The following GLI3 variants were observed in gnomAD, a reference collection of about 807,000 sequenced individuals.
GLI3 encodes the protein GLI family zinc finger 3.
In GLI3, 20 loss-of-function variants were observed where a neutral mutation model predicts 100.8. The ratio of observed to expected loss-of-function variants is 0.20; its 90% CI spans 0.14 to 0.29. GLI3 has a LOEUF of 0.29. Among genes scored for constraint, GLI3 ranks in the 10% least tolerant of loss-of-function variants. The pLI, the probability that GLI3 is intolerant of heterozygous loss-of-function variation, is 1.00. For missense variants in GLI3, 2,040 were observed against 2,128.5 expected, an observed-to-expected ratio of 0.96 and a Z score of 0.82; for synonymous variants, 938 against 860.5, an observed-to-expected ratio of 1.09 and a Z score of -1.58.
intron 10 of GLI3, among the ~76,000 whole-genome samples, chr7:41,983,662 G>A (rs1444126557): frequency 6.6e-6 from 1 of 152,170 alleles, no homozygotes; most frequent in Non-Finnish European, 1.5e-5. Flanking sequence ...AGAGGCCCGA[G>A]AGTCAGAAAG....
At chr7:42,156,296 T>C (rs1787001663) in intron 2 of GLI3, among the ~76,000 whole-genome samples, 1 of 152,226 alleles carries the variant, frequency 6.6e-6, no homozygotes, top group African/African-American at 2.4e-5. Flanking sequence ...CTTCTTCTAT[T>C]AGTCTGCTAT....
At chr7:42,099,434 G>A (rs1022790859) in intron 3 of GLI3, among the ~76,000 whole-genome samples, 8 of 151,926 alleles carry the variant, frequency 5.3e-5, no homozygotes, top group Non-Finnish European at 7.4e-5. Context: ...GGCTTTTTTC[G>A]TTAACAGTAA....
upstream of GLI3, among the ~76,000 whole-genome samples, chr7:42,242,541 G>A (rs1316608034): frequency 6.6e-6 from 1 of 152,166 alleles, no homozygotes; most frequent in Non-Finnish European, 1.5e-5. Context: ...CCCCCGTAGG[G>A]ATATTTTTAT....
At chr7:42,132,013 T>C (rs192276885) in intron 3 of GLI3, among the ~76,000 whole-genome samples, 61 of 152,262 alleles carry the variant, frequency 4.0e-4, no homozygotes, top group African/African-American at 1.4e-3. Context: ...CCCCTGGGAC[T>C]AGGGTTGGAG....
chr7:42,150,928 G>A (rs1786844276), intron 2 of GLI3, among the ~76,000 whole-genome samples: 1 of 152,060 alleles, frequency 6.6e-6, no homozygotes, highest in Non-Finnish European at 1.5e-5. Context: ...CGGCGGAGTG[G>A]GGAGGGTGAG....
Position 41,965,174 on chromosome 7 carries a change from G to T in GLI3, c.3899C>A (p.Ala1300Glu). 6.2e-7 allele frequency: 1 copy of T among 1,613,932 alleles called. No homozygotes were observed. The highest frequency in any genetic ancestry group is 8.5e-7 in the Non-Finnish European group (1 of 1,180,028). The stretch of plus-strand genomic sequence containing the variant: ...CATGCTGCCAGCTGACTCATTTGGC[G>T]CTACCGGCAGGCCGAAATTCAGCTG... Reference protein sequence around the residue: ...GGQLNFGLPVAPNESAGSMVN... With the variant: ...GGQLNFGLPVEPNESAGSMVN... The change falls in exon 15 of 15, where the codon GCG becomes GAG. Residue 1300 changes from alanine to glutamate, a missense_variant. This residue lies in a region of GLI3 where 1,041 missense variants were observed against 924.0 expected (regional missense o/e 1.13). Coordinates refer to ENST00000395925, the MANE Select transcript of GLI3 (RefSeq NM_000168.6).
At chr7:42,070,743 C>T (rs1784768015) in intron 4 of GLI3, among the ~76,000 whole-genome samples, 1 of 151,540 alleles carries the variant, frequency 6.6e-6, no homozygotes, top group Admixed American at 6.6e-5. Context: ...TCTTTTTTGC[C>T]CTTATCTTTG....
At chr7:42,140,773 T>C (rs1348200670) in intron 3 of GLI3, among the ~76,000 whole-genome samples, 1 of 152,146 alleles carries the variant, frequency 6.6e-6, no homozygotes, top group Non-Finnish European at 1.5e-5. Flanking sequence ...GATTGCAGCT[T>C]CAAGAGACAT....
chr7:42,038,059 T>C (rs1392619847), intron 7 of GLI3, among the ~76,000 whole-genome samples: 3 of 152,246 alleles, frequency 2.0e-5, no homozygotes, highest in Non-Finnish European at 4.4e-5. Flanking sequence ...ATTTTGTGTG[T>C]TATCTTTCTG....
chr7:42,083,834 T>C (rs1785046728), intron 3 of GLI3, among the ~76,000 whole-genome samples: 1 of 152,212 alleles, frequency 6.6e-6, no homozygotes, highest in South Asian at 2.1e-4. Context: ...CATCTAATTT[T>C]AGCAAAACCC....
chr7:41,993,094 A>C (rs1471385756), intron 10 of GLI3, among the ~76,000 whole-genome samples: 1 of 152,192 alleles, frequency 6.6e-6, no homozygotes, highest in African/African-American at 2.4e-5. Flanking sequence ...TCATCCCAGA[A>C]TACAGATGAG....
chr7:41,989,106 A>G (rs921701985), intron 10 of GLI3, among the ~76,000 whole-genome samples: 1 of 152,258 alleles, frequency 6.6e-6, no homozygotes, highest in Admixed American at 6.5e-5. Context: ...CAACAAAACC[A>G]GTAAACTCTT....
chr7:42,251,636 G>T (rs572819192), intron 1 of GLI3, among the ~76,000 whole-genome samples: 1 of 152,122 alleles, frequency 6.6e-6, no homozygotes, highest in Non-Finnish European at 1.5e-5. Context: ...GCATTTGGGG[G>T]TTCCTACTAC....
At chr7:42,012,280 G>C (rs536462878) in intron 10 of GLI3, among the ~76,000 whole-genome samples, 1 of 151,940 alleles carries the variant, frequency 6.6e-6, no homozygotes, top group Non-Finnish European at 1.5e-5. Flanking sequence ...TACTGATAGC[G>C]ACAAGCCTCG....
chr7:42,142,957 G>T (rs561265278), intron 3 of GLI3, among the ~76,000 whole-genome samples: 2 of 139,836 alleles, frequency 1.4e-5, no homozygotes, highest in African/African-American at 2.8e-5. Flanking sequence ...AAAAAAAAAA[G>T]GCTATGTAAG....
chr7:42,151,922 T>C (rs899738834), intron 2 of GLI3: 2 of 151,548 alleles, frequency 1.3e-5, no homozygotes, highest in African/African-American at 4.8e-5. Context: ...AGTGGGGTCC[T>C]TGCAAGCAGT....
Position 41,966,286 on chromosome 7 carries a change from G to A in GLI3, c.2787C>T (p.Leu929=). ...CTGTGGCAGCCGCGTACTTGGCCTT[G>A]AGGCGGTACTGCTGGGCGGGCGTGA... is the stretch of plus-strand genomic sequence containing the variant. ...LSLTPAQQYR[L]KAKYAAATGG... Residue 929 remains leucine (L), a synonymous_variant, in exon 15 of 15, where the codon CTC becomes CTT. Coordinates refer to ENST00000395925, the MANE Select transcript of GLI3 (RefSeq NM_000168.6). The surrounding 1 kb of genome is among the most constrained non-coding windows in gnomAD (Gnocchi z 5.8). 6.2e-7 allele frequency: 1 copy of A among 1,608,212 alleles called. No homozygotes were observed. Among genetic ancestry groups the A allele is most frequent in the East Asian group, 2.2e-5 (1 of 44,828 alleles).
intron 1 of GLI3, among the ~76,000 whole-genome samples, chr7:42,262,939 A>G (rs1789160402): frequency 6.9e-6 from 1 of 144,102 alleles, no homozygotes. Context: ...AAGGCAAACC[A>G]GAATATCTGC....
Position 41,965,257 on chromosome 7 carries a change from A to G in GLI3, c.3816T>C (p.Cys1272=). ...PVAPGALDGA[C]GAGIQASKLK... is the part of the protein sequence containing the mutation. ...GCTTTGAGGCTTGAATCCCGGCACCACAGGCACCGTCGAGTGCACCAGGGG... is the reference window on the plus strand; with the variant it reads ...GCTTTGAGGCTTGAATCCCGGCACCGCAGGCACCGTCGAGTGCACCAGGGG... The change falls in exon 15 of 15, where the codon TGT becomes TGC. Residue 1272 remains cysteine, a synonymous_variant. Transcript: ENST00000395925. 1 of 1,613,744 alleles carries G rather than the reference A, an allele frequency of 6.2e-7. No individual in the cohort carries two copies. Among genetic ancestry groups the G allele is most frequent in the African/African-American group, 1.3e-5 (1 of 75,048 alleles).
Sources: allele counts gnomAD v4.1 joint callset (sites outside exome capture counted in the v4.1 genomes callset), GRCh38; gene constraint gnomAD v4.1.1; regional missense constraint gnomAD v4.1.1; non-coding constraint Gnocchi (gnomAD v3.1); transcripts MANE v1.5; gene names NCBI Gene and HGNC (gene_info 2026-07-23, HGNC 2026-07-21).